Variants in SLC24A3 observed in about 807,000 individuals in gnomAD.
SLC24A3 encodes the protein sodium/potassium/calcium exchanger 3.
A neutral mutation model predicts 75.8 loss-of-function variants in SLC24A3; 28 were observed. That is an observed-to-expected ratio of 0.37 (90% CI 0.27 to 0.51). The LOEUF is 0.51. SLC24A3 is among the 20% of genes least tolerant of loss of function. The pLI, the probability that SLC24A3 is intolerant of heterozygous loss-of-function variation, is 0.94. For missense variants in SLC24A3, 663 were observed against 847.8 expected (o/e 0.78, Z 2.71); for synonymous variants, 372 against 334.1 (o/e 1.11, Z -1.24).
rs1455654363 is a variant in SLC24A3, at chr20:19,567,819, G to A, written c.349-12181G>A. ...AAAATTAAAACTTTTGTCCATCAAA[G>A]GACACAATCAATAGAGTGAAAAGGC... On this transcript the variant is annotated intron_variant, in intron 3 of 16. Coordinates refer to ENST00000328041, the MANE Select transcript of SLC24A3 (RefSeq NM_020689.4). 3.9e-5 allele frequency among the ~76,000 whole-genome samples: 6 copies of A among 152,050 alleles called. No individual in the cohort carries two copies. The East Asian group carries it at 1.2e-3, about 29-fold the overall frequency.
chr20:19,413,681 G>A (rs1986783395), intron 2 of SLC24A3, among the ~76,000 whole-genome samples: 1 of 152,152 alleles, frequency 6.6e-6, no homozygotes, highest in Non-Finnish European at 1.5e-5. Context: ...TTCTAAAACA[G>A]GTAAGCAGAA....
chr20:19,318,055 A>G (rs1984623781), intron 2 of SLC24A3, among the ~76,000 whole-genome samples: 1 of 152,164 alleles, frequency 6.6e-6, no homozygotes, highest in Non-Finnish European at 1.5e-5. Flanking sequence ...CGACCTCTGG[A>G]GCAGCCCTCA....
At chr20:19,470,748 T>C (rs1374879901) in intron 2 of SLC24A3, among the ~76,000 whole-genome samples, 1 of 152,186 alleles carries the variant, frequency 6.6e-6, no homozygotes, top group Non-Finnish European at 1.5e-5. Context: ...ACCAAGTAGA[T>C]CACACACGTA....
chr20:19,588,181 A>G (rs2031326252), intron 6 of SLC24A3, among the ~76,000 whole-genome samples: 1 of 152,228 alleles, frequency 6.6e-6, no homozygotes, highest in Admixed American at 6.5e-5. Flanking sequence ...CCCAGCCTCA[A>G]ACAGGGAGAA....
At chr20:19,252,447 T>C (rs939582728) in intron 1 of SLC24A3, among the ~76,000 whole-genome samples, 2 of 152,174 alleles carry the variant, frequency 1.3e-5, no homozygotes, top group South Asian at 4.1e-4. Context: ...ATCATGGTGG[T>C]GACGGAGTAG....
chr20:19,710,030 T>C (rs1348866907), intron 15 of SLC24A3, among the ~76,000 whole-genome samples: 5 of 152,236 alleles, frequency 3.3e-5, no homozygotes, highest in Admixed American at 1.3e-4. Flanking sequence ...CACCCAGTGA[T>C]ATTTTACAAT....
intron 6 of SLC24A3, among the ~76,000 whole-genome samples, chr20:19,621,627 A>G (rs2031805571): frequency 6.6e-6 from 1 of 152,118 alleles, no homozygotes; most frequent in South Asian, 2.1e-4. Context: ...ATGCACATGG[A>G]TCACTGGGGA....
intron 3 of SLC24A3, among the ~76,000 whole-genome samples, chr20:19,526,496 T>A (rs1356411399): frequency 6.6e-6 from 1 of 152,236 alleles, no homozygotes; most frequent in African/African-American, 2.4e-5. Context: ...GATCAGGCTA[T>A]GGTCACTTCT....
At chr20:19,303,664 A>G (rs1984252509) in intron 2 of SLC24A3, among the ~76,000 whole-genome samples, 1 of 152,192 alleles carries the variant, frequency 6.6e-6, no homozygotes, top group Non-Finnish European at 1.5e-5. Context: ...GAAATGTTGG[A>G]CTGCTTTATC....
At chr20:19,300,142 G>A (rs1404237587) in intron 2 of SLC24A3, among the ~76,000 whole-genome samples, 3 of 152,212 alleles carry the variant, frequency 2.0e-5, no homozygotes, top group Non-Finnish European at 2.9e-5. Flanking sequence ...ATGCTCACAA[G>A]TGCTTTGATA....
intron 1 of SLC24A3, among the ~76,000 whole-genome samples, chr20:19,216,556 C>T (rs896846816): frequency 3.3e-5 from 5 of 151,944 alleles, no homozygotes; most frequent in African/African-American, 1.2e-4. Context: ...TTGCAGTGAG[C>T]CATCATTGTA....
intron 2 of SLC24A3, among the ~76,000 whole-genome samples, chr20:19,287,133 G>T (rs1983835049): frequency 6.6e-6 from 1 of 152,244 alleles, no homozygotes; most frequent in African/African-American, 2.4e-5. Context: ...CACAAGAGAA[G>T]TTTATTTCTT....
intron 2 of SLC24A3, among the ~76,000 whole-genome samples, chr20:19,431,504 C>T (rs1076717): frequency 0.14 from 21,030 of 151,890 alleles, 1,928 homozygotes; most frequent in East Asian, 0.31. Flanking sequence ...TCCATGGGGC[C>T]GTGGGTCTCA....
At chr20:19,654,734 G>A (rs1023144587) in intron 7 of SLC24A3, among the ~76,000 whole-genome samples, 2 of 133,136 alleles carry the variant, frequency 1.5e-5, no homozygotes, top group African/African-American at 2.8e-5. Context: ...TGCAAGCTCC[G>A]CCTCCCGGGT....
At chr20:19,317,893 T>C (rs1048224835) in intron 2 of SLC24A3, among the ~76,000 whole-genome samples, 1 of 152,246 alleles carries the variant, frequency 6.6e-6, no homozygotes, top group Admixed American at 6.5e-5. Flanking sequence ...GACACCACTG[T>C]GCCTGCCCAT....
intron 2 of SLC24A3, among the ~76,000 whole-genome samples, chr20:19,445,588 C>T (rs1445015814): frequency 2.0e-5 from 3 of 152,122 alleles, no homozygotes; most frequent in South Asian, 2.1e-4. Context: ...GAGCTTAATC[C>T]GTCTTGAAAC....
chr20:19,514,335 A>G (rs564661109), intron 2 of SLC24A3, among the ~76,000 whole-genome samples: 33 of 152,320 alleles, frequency 2.2e-4, no homozygotes, highest in African/African-American at 7.5e-4. Context: ...ACATAGCTCC[A>G]CATCCTTGTC....
rs75102853 is a variant in SLC24A3 at position 19,400,471 on chromosome 20, C to T, written c.272-115017C>T. ...CTTGCTGTTGAGAACAGGCACTATT[C>T]CTAGCCCTGTGTGAGTGCCGGGCGC... On this transcript the variant is annotated intron_variant, in intron 2 of 16. Transcript: ENST00000328041. Among the ~76,000 whole-genome samples, 1,302 of 152,312 alleles carry T rather than the reference C, an allele frequency of 8.5e-3. 12 individuals carry two copies. The highest frequency in any genetic ancestry group is 0.014 in the Non-Finnish European group (943 of 68,028).
intron 2 of SLC24A3, among the ~76,000 whole-genome samples, chr20:19,323,542 T>G (rs546288092): frequency 6.6e-6 from 1 of 152,318 alleles, no homozygotes; most frequent in Admixed American, 6.5e-5. Context: ...CAAACAGGAC[T>G]AGACCTTCAT....
Sources: gnomAD v4.1 joint callset for allele counts (sites outside exome capture counted in the v4.1 genomes callset) on GRCh38, gnomAD v4.1.1 for gene constraint, MANE v1.5 for transcripts, NCBI Gene and HGNC (gene_info 2026-07-23, HGNC 2026-07-21) for gene names.